The following LRP1 variants were observed in gnomAD, a reference collection of about 807,000 sequenced individuals.
The protein encoded by LRP1 is LDL receptor related protein 1, also known as prolow-density lipoprotein receptor-related protein 1.
A neutral mutation model predicts 541.5 loss-of-function variants in LRP1; 51 were observed. The observed-to-expected ratio is 0.09, with a 90% CI of 0.08 to 0.12. The LOEUF is 0.12. Among genes scored for constraint, LRP1 ranks in the 10% least tolerant of loss-of-function variants. LRP1 has a pLI of 1.00. For synonymous variants in LRP1, 2,219 were observed against 2,470.8 expected (o/e 0.90, Z 3.02); for missense variants, 3,878 against 6,376.2 (o/e 0.61, Z 13.34).
chr12:57,143,688 G>T lies in LRP1; in HGVS notation c.338G>T (p.Gly113Val). Residue 113 changes from glycine to valine, a missense_variant, in exon 4 of 89, where the codon GGC becomes GTC. By Grantham distance (109) the Gly-to-Val change is moderately radical. This residue lies in a region of LRP1 where 293 missense variants were observed against 403.7 expected (regional missense o/e 0.73). Transcript: ENST00000243077. ...DEGPHCRELQ[G>V]NCSRLGCQHH... ...TCCTGCCCCCACACAGAGCTCCAAGGCAACTGCTCTCGCCTGGGCTGCCAG... is the reference window on the plus strand; with the variant it reads ...TCCTGCCCCCACACAGAGCTCCAAGTCAACTGCTCTCGCCTGGGCTGCCAG... 1 of 1,613,516 alleles carries T rather than the reference G, an allele frequency of 6.2e-7. No homozygotes were observed. The highest frequency in any genetic ancestry group is 8.5e-7 in the Non-Finnish European group (1 of 1,179,534).
chr12:57,159,623 A>T (rs1224310130), intron 11 of LRP1, among the ~76,000 whole-genome samples: 1 of 152,106 alleles, frequency 6.6e-6, no homozygotes, highest in Non-Finnish European at 1.5e-5. Context: ...CCCTGATACA[A>T]ATGGCAGCAC....
chr12:57,170,126 C>T (rs965388980), intron 20 of LRP1, among the ~76,000 whole-genome samples: 9 of 152,172 alleles, frequency 5.9e-5, no homozygotes, highest in Admixed American at 3.9e-4. Flanking sequence ...GAAGCTTGAC[C>T]CGATCTCTGC....
chr12:57,209,545 G>A, intron 79 of LRP1, 147 bp from the exon 80 acceptor site: 1 of 673,982 alleles, frequency 1.5e-6, no homozygotes, highest in Non-Finnish European at 2.6e-6. Flanking sequence ...AGTGGCCACA[G>A]GAGGAGGAAC....
chr12:57,186,048 C>A (rs2036264161), intron 41 of LRP1, 140 bp downstream of exon 41: 1 of 974,924 alleles, frequency 1.0e-6, no homozygotes, highest in Non-Finnish European at 1.5e-6. Context: ...TGCACCCCCG[C>A]AGTTACATGA....
Position 57,209,865 on chromosome 12 carries a change from G to A in LRP1, c.12436G>A (p.Glu4146Lys), listed in dbSNP as rs773620729. The change falls in exon 80 of 89, where the codon GAA becomes AAA. Residue 4146 changes from glutamate to lysine, a missense_variant. Physicochemically the swap from Glu to Lys is moderately conservative, Grantham distance 56. Transcript: ENST00000243077. ...CCTTTACCATCAGCACAAGCAGCCCGAAGGTGGGGGCAGAGGGGAGCCTGG... is the reference window on the plus strand; with the variant it reads ...CCTTTACCATCAGCACAAGCAGCCCAAAGGTGGGGGCAGAGGGGAGCCTGG... ...VVLYHQHKQP[E>K]VTNPCDRKKC... The A allele has an allele frequency of 5.6e-6, 9 of 1,613,472 alleles. No homozygotes were observed. The East Asian group carries it at 6.7e-5, about 12-fold the overall frequency.
Position 57,185,298 on chromosome 12 carries a change from A to G in LRP1, c.6463+93A>G, listed in dbSNP as rs1438585672. 4 of 1,533,872 alleles carry G rather than the reference A, an allele frequency of 2.6e-6. No homozygotes were observed. The highest frequency in any genetic ancestry group is 3.5e-6 in the Non-Finnish European group (4 of 1,127,568). On this transcript the variant is annotated intron_variant, in intron 40 of 88. Coordinates refer to ENST00000243077, the MANE Select transcript of LRP1 (RefSeq NM_002332.3). This position sits in a 1 kb window ranked among gnomAD's most constrained non-coding sequence, Gnocchi z 4.9. ...GGGAACCCAGTGTGAGAGGGCTGGG[A>G]GACAAGTTAGACCCATGGGGCAACT... is the stretch of plus-strand genomic sequence containing the variant.
At chr12:57,142,268 T>C (rs954825019) in intron 3 of LRP1, among the ~76,000 whole-genome samples, 1 of 152,226 alleles carries the variant, frequency 6.6e-6, no homozygotes, top group Non-Finnish European at 1.5e-5. Context: ...CCTTCTCTTT[T>C]CTTCGGGGTC....
chr12:57,206,334 AGG>A lies in LRP1; in HGVS notation c.11591-137_11591-136del. 1.2e-6 allele frequency: 1 copy of A among 858,544 alleles called. No individual in the cohort carries two copies. Among genetic ancestry groups the A allele is most frequent in the South Asian group, 1.6e-5 (1 of 61,884 alleles). 53.2% of individuals were successfully genotyped at this position (858,544 alleles called of 1,614,324 possible). ...GAGGTTGGAGCCTGCAACCCTGAGCAGGGAGGGTAAGCAGCAGCTTCTGGCCG... is the reference window on the plus strand; with the variant it reads ...GAGGTTGGAGCCTGCAACCCTGAGCAGAGGGTAAGCAGCAGCTTCTGGCCG... On this transcript the variant is annotated intron_variant, in intron 75 of 88. Coordinates refer to ENST00000243077, the MANE Select transcript of LRP1 (RefSeq NM_002332.3). This position sits in a 1 kb window ranked among gnomAD's most constrained non-coding sequence, Gnocchi z 4.7.
Position 57,128,914 on chromosome 12 carries a change from G to A in LRP1, c.-51G>A. The A allele has an allele frequency of 1.3e-6, 2 of 1,488,184 alleles. No individual in the cohort carries two copies. Among genetic ancestry groups the A allele is most frequent in the Non-Finnish European group, 1.8e-6 (2 of 1,095,938 alleles). 92.2% of individuals were successfully genotyped at this position (1,488,184 alleles called of 1,614,324 possible). ...CCCCAACTGGGGGGGGTGAAGGAGA[G>A]AAGTAGCAGGACCAGAGGGGAAGGG... On this transcript the variant is annotated 5_prime_UTR_variant, in exon 1 of 89. Transcript: ENST00000243077.
intron 6 of LRP1, among the ~76,000 whole-genome samples, chr12:57,150,422 G>A (rs1215800916): frequency 6.6e-6 from 1 of 152,044 alleles, no homozygotes; most frequent in Non-Finnish European, 1.5e-5. Context: ...CGATCTCCTG[G>A]CCTCATGATC....
rs754361641 is a variant in LRP1 at position 57,162,444 on chromosome 12, C to T, written c.2330C>T (p.Pro777Leu). 6.2e-7 allele frequency: 1 copy of T among 1,614,130 alleles called. No homozygotes were observed. Among genetic ancestry groups the T allele is most frequent in the Admixed American group, 1.7e-5 (1 of 60,028 alleles). Reference sequence around the variant, plus strand: ...GAACGGGGTGTAGGAGGCGCACCCCCCACTGTGACCCTTCTGCGCAGTGAG... The same window carrying T: ...GAACGGGGTGTAGGAGGCGCACCCCTCACTGTGACCCTTCTGCGCAGTGAG... The part of the protein sequence containing the change: ...RLERGVGGAP[P>L]TVTLLRSERP... Residue 777 changes from proline (P) to leucine (L), a missense_variant, in exon 14 of 89, where the codon CCC (proline) becomes CTC (leucine). By Grantham distance (98) the Pro-to-Leu change is moderately conservative. Transcript: ENST00000243077. This position sits in a 1 kb window ranked among gnomAD's most constrained non-coding sequence, Gnocchi z 5.2.
At chr12:57,149,240 TGGGGA>T (rs1262381767) in intron 6 of LRP1, 1 of 438,954 alleles carries the variant, frequency 2.3e-6, no homozygotes, top group Non-Finnish European at 4.0e-6. Flanking sequence ...CCAGGCTGTT[TGGGGA>T]GGGGTGGCTC....
intron 10 of LRP1, among the ~76,000 whole-genome samples, chr12:57,157,769 C>G (rs1483670538): frequency 6.6e-6 from 1 of 152,236 alleles, no homozygotes; most frequent in African/African-American, 2.4e-5. Flanking sequence ...CAGAGGAAAT[C>G]AACAGTGCAA....
rs2036009551 is a variant in LRP1, at chr12:57,174,711, G to A, written c.3547+731G>A. Among the ~76,000 whole-genome samples, 3 of 152,320 alleles carry A rather than the reference G, an allele frequency of 2.0e-5. No individual in the cohort carries two copies. The South Asian group carries it at 6.2e-4, about 32-fold the overall frequency. ...ACCTGGGAGGCGGAGGTTGCAGTGAGCCAACATCCTGCCACTGCACTCCAG... is the reference window on the plus strand; with the variant it reads ...ACCTGGGAGGCGGAGGTTGCAGTGAACCAACATCCTGCCACTGCACTCCAG... On this transcript the variant is annotated intron_variant, in intron 22 of 88. Coordinates refer to ENST00000243077, the MANE Select transcript of LRP1 (RefSeq NM_002332.3).
At chr12:57,152,922 T>C (rs1592613336) in intron 6 of LRP1, among the ~76,000 whole-genome samples, 2 of 152,184 alleles carry the variant, frequency 1.3e-5, no homozygotes, top group South Asian at 4.2e-4. Flanking sequence ...CACCCACTGT[T>C]AGGGAGCAGC....
chr12:57,136,361 G>A (rs2035164126), intron 1 of LRP1, among the ~76,000 whole-genome samples: 1 of 150,648 alleles, frequency 6.6e-6, no homozygotes, highest in Non-Finnish European at 1.5e-5. Context: ...AGACATCTCA[G>A]TGAGGCTCCC....
In LRP1 at chr12:57,209,852, G is replaced by C. The variant is rs372517929; in HGVS notation, c.12423G>C (p.Gln4141His). 1 of 1,613,956 alleles carries C rather than the reference G, an allele frequency of 6.2e-7. No homozygotes were observed. Among genetic ancestry groups the C allele is most frequent in the Admixed American group, 1.7e-5 (1 of 60,020 alleles). Reference sequence around the variant, plus strand: ...CCTCTGACGTGGTCCTTTACCATCAGCACAAGCAGCCCGAAGGTGGGGGCA... The same window carrying C: ...CCTCTGACGTGGTCCTTTACCATCACCACAAGCAGCCCGAAGGTGGGGGCA... ...SHASDVVLYH[Q>H]HKQPEVTNPC... Residue 4141 changes from glutamine (Q) to histidine (H), a missense_variant, in exon 80 of 89, where the codon CAG (glutamine) becomes CAC (histidine). Coordinates refer to ENST00000243077, the MANE Select transcript of LRP1 (RefSeq NM_002332.3).
chr12:57,180,652 C>T lies in LRP1; in HGVS notation c.5387-15C>T. ...GGGGCCTTCCCAAGGGTCTCATCCC[C>T]TCCTGCTGCCCCAGGGGACAAGCTG... On this transcript the variant is annotated splice_polypyrimidine_tract_variant and intron_variant, in intron 32 of 88. Transcript: ENST00000243077. 6.2e-7 allele frequency: 1 copy of T among 1,613,876 alleles called. No homozygotes were observed. The highest frequency in any genetic ancestry group is 8.5e-7 in the Non-Finnish European group (1 of 1,179,806).
rs147724632 is a variant in LRP1 at position 57,210,137 on chromosome 12, T to G, written c.12548T>G (p.Val4183Gly). The G allele has an allele frequency of 2.9e-4, 471 of 1,611,562 alleles. 1 individual carries two copies. Among genetic ancestry groups the G allele is most frequent in the Middle Eastern group, 3.3e-4 (2 of 6,042 alleles). ...AAGCGGCTGGACAACGGCACATGCGTGCCTGTGCCCTCTCCAACGCCCCCC... is the reference window on the plus strand; with the variant it reads ...AAGCGGCTGGACAACGGCACATGCGGGCCTGTGCCCTCTCCAACGCCCCCC... Reference protein sequence around the residue: ...NGKRLDNGTCVPVPSPTPPPD... With the variant: ...NGKRLDNGTCGPVPSPTPPPD... Residue 4183 changes from valine (V) to glycine (G), a missense_variant, in exon 81 of 89, where the codon GTG (valine) becomes GGG (glycine). This residue lies in a region of LRP1 where 871 missense variants were observed against 1,212.4 expected (regional missense o/e 0.72). Transcript: ENST00000243077.
Sources: gnomAD v4.1 joint callset for allele counts (sites outside exome capture counted in the v4.1 genomes callset) on GRCh38, gnomAD v4.1.1 for gene constraint, gnomAD v4.1.1 regional missense constraint, Gnocchi (gnomAD v3.1) non-coding constraint, MANE v1.5 for transcripts, NCBI Gene and HGNC (gene_info 2026-07-23, HGNC 2026-07-21) for gene names.